TNFSF11: variants seen among roughly 807,000 people sequenced by gnomAD.
The protein encoded by TNFSF11 is tumor necrosis factor ligand superfamily member 11.
Under a neutral mutation model 32.2 loss-of-function variants are expected in TNFSF11, and 12 were observed. The ratio of observed to expected loss-of-function variants is 0.37; its 90% CI spans 0.24 to 0.60. The LOEUF is 0.60. Among genes scored for constraint, TNFSF11 ranks in the 20% least tolerant of loss-of-function variants. The pLI, the probability that TNFSF11 is intolerant of heterozygous loss-of-function variation, is 0.66. For missense variants in TNFSF11, 345 were observed against 398.0 expected (o/e 0.87, Z 1.13); for synonymous variants, 172 against 152.1 (o/e 1.13, Z -0.96).
intron 2 of TNFSF11, among the ~76,000 whole-genome samples, chr13:42,585,949 C>G (rs1873875432): frequency 6.6e-6 from 1 of 152,208 alleles, no homozygotes; most frequent in Non-Finnish European, 1.5e-5. Flanking sequence ...AAATCACATT[C>G]TTCTCCAAAA....
upstream of TNFSF11, among the ~76,000 whole-genome samples, chr13:42,569,930 A>G (rs1002384806): frequency 3.9e-5 from 6 of 152,146 alleles, no homozygotes; most frequent in Middle Eastern, 6.8e-3. Flanking sequence ...TTTTTTGAAA[A>G]TCTGTTTTTT....
chr13:42,580,503 C>T (rs549181290), intron 1 of TNFSF11, among the ~76,000 whole-genome samples: 1 of 152,260 alleles, frequency 6.6e-6, no homozygotes, highest in African/African-American at 2.4e-5. Flanking sequence ...ACAGGTATAC[C>T]ATTCCAGCTT....
chr13:42,604,090 C>T (rs145778000), intron 4 of TNFSF11, among the ~76,000 whole-genome samples: 92 of 152,322 alleles, frequency 6.0e-4, no homozygotes, highest in African/African-American at 1.9e-3. Context: ...CTTGCTCTAA[C>T]GCCAGCTGAT....
At chr13:42,605,097 C>T (rs1182368258) in intron 4 of TNFSF11, among the ~76,000 whole-genome samples, 5 of 152,118 alleles carry the variant, frequency 3.3e-5, no homozygotes, top group East Asian at 3.9e-4. Context: ...GTTTCTTTCT[C>T]GATGAGGCTC....
At position 42,568,659 on chromosome 13, in the gene TNFSF11, C is replaced by T. The variant is rs903626201; in HGVS notation, c.-160+1897C>T. Among the ~76,000 whole-genome samples, 16 of 152,042 alleles carry T rather than the reference C, an allele frequency of 1.1e-4. 1 individual carries two copies. The South Asian group carries it at 2.5e-3, about 24-fold the overall frequency. ...CAGTGAGCAGCATATGAGCCTGGAC[C>T]GGAGATCAGAAGACGCGGGAACAGA... On this transcript the variant is annotated intron_variant, in intron 2 of 6. Coordinates refer to the TNFSF11 transcript ENST00000358545.
chr13:42,600,853 C>G, intron 3 of TNFSF11, 30 bp from the exon 4 acceptor site: 2 of 1,614,006 alleles, frequency 1.2e-6, no homozygotes, highest in Non-Finnish European at 1.7e-6. Context: ...ACTATTTTGG[C>G]TATAATAATA....
chr13:42,583,970 G>A (rs866000382), intron 2 of TNFSF11, among the ~76,000 whole-genome samples: 85 of 152,116 alleles, frequency 5.6e-4, no homozygotes, highest in African/African-American at 1.9e-3. Flanking sequence ...AAATTAATAA[G>A]TAATAATCAC....
chr13:42,570,383 C>T (rs1873019662), upstream of TNFSF11, among the ~76,000 whole-genome samples: 1 of 152,132 alleles, frequency 6.6e-6, no homozygotes, highest in Admixed American at 6.5e-5. Context: ...ATAACATGAA[C>T]CAATCAATTT....
intron 2 of TNFSF11, among the ~76,000 whole-genome samples, chr13:42,569,150 C>G (rs1331622510): frequency 6.6e-6 from 1 of 152,070 alleles, no homozygotes; most frequent in East Asian, 1.9e-4. Context: ...CCTCACATGG[C>G]AAAACTTACT....
intron 2 of TNFSF11, among the ~76,000 whole-genome samples, chr13:42,590,035 T>C (rs4356365): frequency 0.81 from 123,790 of 152,276 alleles, 50,488 homozygotes; most frequent in Middle Eastern, 0.89. Flanking sequence ...ACGGGGCTTC[T>C]TGTAACAGCA....
At chr13:42,577,264 GA>G (rs1313792996) in intron 1 of TNFSF11, among the ~76,000 whole-genome samples, 5 of 152,296 alleles carry the variant, frequency 3.3e-5, no homozygotes, top group Middle Eastern at 3.4e-3. Context: ...AGAATGCCCA[GA>G]ATAGTGTAAA....
At chr13:42,606,464 G>A (rs920775990) in intron 4 of TNFSF11, 33 bp from the exon 5 acceptor site, 3 of 1,613,850 alleles carry the variant, frequency 1.9e-6, no homozygotes, top group Admixed American at 1.7e-5. Flanking sequence ...TTTAAGGACT[G>A]ACTTTCAAAT....
Position 42,567,626 on chromosome 13 carries a change from C to T in TNFSF11, c.-160+864C>T, listed in dbSNP as rs531936686. On this transcript the variant is annotated intron_variant, in intron 2 of 6. Coordinates refer to the TNFSF11 transcript ENST00000358545. Reference sequence around the variant, plus strand: ...TAAAAAAACCCACCTGAGTTCCCAACCATGATGGGATGGTAGGTCAGATGC... The same window carrying T: ...TAAAAAAACCCACCTGAGTTCCCAATCATGATGGGATGGTAGGTCAGATGC... 2.6e-5 allele frequency among the ~76,000 whole-genome samples: 4 copies of T among 152,304 alleles called. No individual in the cohort carries two copies. In the East Asian group the frequency reaches 7.7e-4, roughly 29 times the overall value.
At chr13:42,603,672 G>C (rs961934996) in intron 4 of TNFSF11, among the ~76,000 whole-genome samples, 2 of 152,050 alleles carry the variant, frequency 1.3e-5, no homozygotes, top group Non-Finnish European at 2.9e-5. Flanking sequence ...GAGCTCTCCT[G>C]CTTGCCATGA....
chr13:42,581,206 A>G lies in TNFSF11; in HGVS notation c.300A>G (p.Gln100=), dbSNP rs1873594329. The change falls in exon 2 of 5, where the codon CAA becomes CAG. Residue 100 remains glutamine (Q), a synonymous_variant. Coordinates refer to ENST00000398795, the MANE Select transcript of TNFSF11 (RefSeq NM_003701.4). The part of the protein sequence containing the change: ...ILRLHENADF[Q]DTTLESQDTK... ...GACTCCATGAAAATGCAGATTTTCA[A>G]GACACAACTCTGGAGAGTCAAGATA... The G allele has an allele frequency of 6.2e-7, 1 of 1,613,994 alleles. No individual in the cohort carries two copies. Among genetic ancestry groups the G allele is most frequent in the Non-Finnish European group, 8.5e-7 (1 of 1,179,964 alleles).
chr13:42,573,494 C>T (rs117688891), upstream of TNFSF11, among the ~76,000 whole-genome samples: 38 of 152,294 alleles, frequency 2.5e-4, no homozygotes, highest in East Asian at 7.3e-3. Context: ...TCCTCGGATG[C>T]TTGCTTCTGG....
intron 4 of TNFSF11, among the ~76,000 whole-genome samples, chr13:42,602,374 A>T (rs1199967659): frequency 6.6e-6 from 1 of 152,130 alleles, no homozygotes; most frequent in African/African-American, 2.4e-5. Context: ...TACATATTCC[A>T]CCTTTTTCCT....
At chr13:42,580,154 TAACA>T (rs1002131218) in intron 1 of TNFSF11, among the ~76,000 whole-genome samples, 5 of 152,208 alleles carry the variant, frequency 3.3e-5, no homozygotes, top group African/African-American at 1.2e-4. Flanking sequence ...CTTGAATATT[TAACA>T]AACAAAGAGG....
intron 1 of TNFSF11, among the ~76,000 whole-genome samples, chr13:42,578,531 A>C (rs1873432468): frequency 6.6e-6 from 1 of 152,268 alleles, no homozygotes; most frequent in Non-Finnish European, 1.5e-5. Context: ...AAACAAAATA[A>C]ATGAGTATAT....
Sources: allele counts gnomAD v4.1 joint callset (sites outside exome capture counted in the v4.1 genomes callset), GRCh38; gene constraint gnomAD v4.1.1; transcripts MANE v1.5; gene names NCBI Gene and HGNC (gene_info 2026-07-23, HGNC 2026-07-21).